ANKS1B: variants seen among roughly 807,000 people sequenced by gnomAD.
ANKS1B encodes ankyrin repeat and sterile alpha motif domain containing 1B.
In ANKS1B, 36 loss-of-function variants were observed where a neutral mutation model predicts 148.3. The ratio of observed to expected loss-of-function variants is 0.24; its 90% CI spans 0.19 to 0.32. ANKS1B has a LOEUF of 0.32. ANKS1B is among the 10% of genes least tolerant of loss of function. The pLI is 1.00. For synonymous variants in ANKS1B, 542 were observed against 560.8 expected (o/e 0.97, Z 0.47); for missense variants, 1,157 against 1,542.6 (o/e 0.75, Z 4.19).
At chr12:99,385,622 T>C (rs1258961667) in intron 12 of ANKS1B, among the ~76,000 whole-genome samples, 1 of 152,190 alleles carries the variant, frequency 6.6e-6, no homozygotes, top group East Asian at 1.9e-4. Context: ...ACAAACATGT[T>C]GTTAGTAGCA....
intron 14 of ANKS1B, among the ~76,000 whole-genome samples, chr12:99,173,124 G>T (rs1303935084): frequency 1.3e-5 from 2 of 152,230 alleles, no homozygotes; most frequent in South Asian, 4.1e-4. Flanking sequence ...TTAAGATTAA[G>T]TATGAACACA....
intron 4 of ANKS1B, among the ~76,000 whole-genome samples, chr12:99,785,258 C>CGTGTGTGT (rs34228059): frequency 4.4e-5 from 6 of 137,400 alleles, no homozygotes; most frequent in Admixed American, 2.2e-4. Flanking sequence ...ATCAGTAGGT[C>CGTGTGTGT]GTGTGTGTGT....
intron 9 of ANKS1B, among the ~76,000 whole-genome samples, chr12:99,642,062 A>T (rs2098313497): frequency 6.6e-6 from 1 of 152,212 alleles, no homozygotes; most frequent in African/African-American, 2.4e-5. Flanking sequence ...TAAGTGTTAG[A>T]TATCATTATT....
chr12:98,879,526 T>C (rs1336171609), intron 17 of ANKS1B, among the ~76,000 whole-genome samples: 3 of 152,236 alleles, frequency 2.0e-5, no homozygotes, highest in African/African-American at 4.8e-5. Context: ...TGGCATGTTA[T>C]AAAAAGTTAA....
chr12:99,198,835 A>G (rs2081702917), intron 14 of ANKS1B, among the ~76,000 whole-genome samples: 1 of 152,154 alleles, frequency 6.6e-6, no homozygotes, highest in African/African-American at 2.4e-5. Flanking sequence ...CCAATACTGA[A>G]TAGGTCTAAC....
intron 15 of ANKS1B, among the ~76,000 whole-genome samples, chr12:99,101,959 G>A (rs1482957267): frequency 6.6e-6 from 1 of 152,182 alleles, no homozygotes; most frequent in Non-Finnish European, 1.5e-5. Context: ...AGTTTGGGGA[G>A]AGGTTCAGGC....
At chr12:99,365,104 A>C (rs1008411319) in intron 12 of ANKS1B, among the ~76,000 whole-genome samples, 8 of 152,170 alleles carry the variant, frequency 5.3e-5, no homozygotes, top group African/African-American at 1.4e-4. Context: ...TGTGGCATGG[A>C]GCCTGCAGAG....
chr12:99,723,062 A>G (rs1456515311), intron 8 of ANKS1B, among the ~76,000 whole-genome samples: 1 of 152,232 alleles, frequency 6.6e-6, no homozygotes, highest in Non-Finnish European at 1.5e-5. Context: ...ACCAGGGCCT[A>G]GGATCCCAAC....
chr12:99,097,762 T>C (rs1317428294), intron 15 of ANKS1B, among the ~76,000 whole-genome samples: 1 of 152,172 alleles, frequency 6.6e-6, no homozygotes, highest in African/African-American at 2.4e-5. Context: ...AAAAGGTAAT[T>C]TAACTCCCTT....
chr12:99,410,230 T>C (rs1310654854), intron 11 of ANKS1B, among the ~76,000 whole-genome samples: 1 of 152,232 alleles, frequency 6.6e-6, no homozygotes, highest in Non-Finnish European at 1.5e-5. Context: ...GCCATGTCCA[T>C]TCATTGATGT....
intron 17 of ANKS1B, among the ~76,000 whole-genome samples, chr12:98,878,785 A>G (rs1318327544): frequency 6.6e-6 from 1 of 152,232 alleles, no homozygotes; most frequent in Non-Finnish European, 1.5e-5. Context: ...ATTCTTCAAC[A>G]AAATCTACTA....
chr12:99,836,395 G>C (rs1049749463), intron 1 of ANKS1B, among the ~76,000 whole-genome samples: 2 of 151,914 alleles, frequency 1.3e-5, no homozygotes, highest in African/African-American at 4.8e-5. Context: ...TTTACAAAAA[G>C]CACATCAGGA....
chr12:99,253,625 G>A (rs886522998), intron 12 of ANKS1B, among the ~76,000 whole-genome samples: 3 of 152,092 alleles, frequency 2.0e-5, no homozygotes. Context: ...ATAACCCACT[G>A]AATAAAACAG....
chr12:99,634,231 G>A (rs1384910073), intron 9 of ANKS1B, among the ~76,000 whole-genome samples: 1 of 152,092 alleles, frequency 6.6e-6, no homozygotes, highest in Admixed American at 6.5e-5. Context: ...TCAATTAATA[G>A]ATGAATGAGT....
chr12:99,816,691 TGTCA>T (rs1298394703), intron 2 of ANKS1B, among the ~76,000 whole-genome samples: 1 of 151,776 alleles, frequency 6.6e-6, no homozygotes, highest in Non-Finnish European at 1.5e-5. Context: ...AATAAGTATC[TGTCA>T]GTTTTACTAA....
intron 10 of ANKS1B, among the ~76,000 whole-genome samples, chr12:99,492,994 C>T (rs1030552119): frequency 6.6e-6 from 1 of 152,194 alleles, no homozygotes; most frequent in Non-Finnish European, 1.5e-5. Flanking sequence ...AGGATGCCTT[C>T]TCTCACCACT....
chr12:99,079,546 G>C (rs1031866255), intron 16 of ANKS1B, among the ~76,000 whole-genome samples: 2 of 152,190 alleles, frequency 1.3e-5, no homozygotes, highest in African/African-American at 2.4e-5. Context: ...CAAGAGTCCT[G>C]TGATAACAAT....
chr12:99,496,947 A>G (rs1008672824), intron 10 of ANKS1B, among the ~76,000 whole-genome samples: 1 of 152,078 alleles, frequency 6.6e-6, no homozygotes, highest in Non-Finnish European at 1.5e-5. Context: ...AAGCATCCTC[A>G]ATTGCCTCTC....
Position 99,401,102 on chromosome 12 carries a change from C to CAA in ANKS1B, c.1576-1293_1576-1292dup, listed in dbSNP as rs1197797045. On this transcript the variant is annotated intron_variant, in intron 11 of 26. Coordinates refer to ENST00000683438, the MANE Select transcript of ANKS1B (RefSeq NM_001352186.2). Reference sequence around the variant, plus strand: ...ATTGAGAGGTATAAATATTGTTATGCAAGAGAGTGCAAGTCATTTATTATT... The same window carrying CAA: ...ATTGAGAGGTATAAATATTGTTATGCAAAAGAGAGTGCAAGTCATTTATTATT... 2.7e-5 allele frequency among the ~76,000 whole-genome samples: 4 copies of CAA among 145,810 alleles called. No homozygotes were observed. The East Asian group carries it at 7.7e-4, about 28-fold the overall frequency.
Sources: gnomAD v4.1 joint callset for allele counts (sites outside exome capture counted in the v4.1 genomes callset) on GRCh38, gnomAD v4.1.1 for gene constraint, MANE v1.5 for transcripts, NCBI Gene and HGNC (gene_info 2026-07-23, HGNC 2026-07-21) for gene names.